The following RNF216 variants were observed in gnomAD, a reference collection of about 807,000 sequenced individuals.
RNF216 encodes the protein E3 ubiquitin-protein ligase RNF216.
A neutral mutation model predicts 110.8 loss-of-function variants in RNF216; 72 were observed. The ratio of observed to expected loss-of-function variants is 0.65; its 90% CI spans 0.54 to 0.79. The LOEUF is 0.79. Among genes scored for constraint, RNF216 ranks in the 30% least tolerant of loss-of-function variants. RNF216 has a pLI of 0.00. For missense variants in RNF216, 1,342 were observed against 1,141.2 expected (o/e 1.18, Z -2.54); for synonymous variants, 495 against 407.5 (o/e 1.21, Z -2.59).
chr7:5,733,225 G>C (rs1794192783), intron 5 of RNF216: 1 of 152,210 alleles, frequency 6.6e-6, no homozygotes, highest in East Asian at 1.9e-4. Flanking sequence ...GGCTTGAAAA[G>C]ATGCAATACA....
Position 5,623,123 on chromosome 7 carries a change from T to G in RNF216, c.2509A>C (p.Arg837=). 2 of 1,599,228 alleles carry G rather than the reference T, an allele frequency of 1.3e-6. No homozygotes were observed. The highest frequency in any genetic ancestry group is 1.7e-6 in the Non-Finnish European group (2 of 1,168,804). ...ACGGGCCTCGGGAGGGCCTCCACCCTCTGCACCTTCTCCACAGGCTTCTCC... is the reference window on the plus strand; with the variant it reads ...ACGGGCCTCGGGAGGGCCTCCACCCGCTGCACCTTCTCCACAGGCTTCTCC... ...PLEKPVEKVQ[R]VEALPRPVPQ... The change falls in exon 17 of 17, where the codon AGG becomes CGG. Residue 837 remains arginine (R), a synonymous_variant. Transcript: ENST00000389902.
At position 5,738,526 on chromosome 7, in the gene RNF216, G is replaced by A. The variant is rs907467124; in HGVS notation, c.1121+750C>T. On this transcript the variant is annotated intron_variant, in intron 5 of 16. Coordinates refer to ENST00000389902, the MANE Select transcript of RNF216 (RefSeq NM_207111.4). The stretch of plus-strand genomic sequence containing the variant: ...GATCGAGACCATCCTGGCTAACATG[G>A]TGAAACCCCATCTCTACTAAAAATA... 2.0e-5 allele frequency among the ~76,000 whole-genome samples: 3 copies of A among 152,100 alleles called. No homozygotes were observed. The East Asian group carries it at 5.8e-4, about 29-fold the overall frequency.
Position 5,759,915 on chromosome 7 carries a change from G to C in RNF216, c.67+1088C>G, listed in dbSNP as rs143659486. Among the ~76,000 whole-genome samples the C allele has an allele frequency of 3.1e-3, 472 of 152,104 alleles. 1 individual carries two copies. The highest frequency in any genetic ancestry group is 0.011 in the African/African-American group (455 of 41,506). On this transcript the variant is annotated intron_variant, in intron 2 of 16. Transcript: ENST00000389902. ...CAAAGTGCTGGGATTACAGGAGTGA[G>C]CCACCACGCCTGGCCTGGGGGAGTC...
chr7:5,633,967 G>A (rs1233332183), intron 15 of RNF216, among the ~76,000 whole-genome samples: 2 of 152,186 alleles, frequency 1.3e-5, no homozygotes, highest in Non-Finnish European at 1.5e-5. Flanking sequence ...AGGAGAAAAC[G>A]AAGAAAGAGA....
chr7:5,641,351 T>C lies in RNF216; in HGVS notation c.2185A>G (p.Ile729Val), dbSNP rs1217887791. 4.3e-6 allele frequency: 7 copies of C among 1,614,164 alleles called. No individual in the cohort carries two copies. In the Admixed American group the frequency reaches 5.0e-5, roughly 12 times the overall value. ...SIEEKMTAAR[I>V]RKCHKCGTGL... ...GTCCCACACTTGTGGCATTTTCTAA[T>C]GCGGGCAGCAGTCATTTTTTCTTCA... The change falls in exon 15 of 17, where the codon ATT (isoleucine) becomes GTT (valine). Residue 729 changes from isoleucine (I) to valine (V), a missense_variant. By Grantham distance (29) the Ile-to-Val change is conservative. Transcript: ENST00000389902.
chr7:5,725,639 CAGG>C, intron 7 of RNF216, among the ~76,000 whole-genome samples: 1 of 152,224 alleles, frequency 6.6e-6, no homozygotes, highest in South Asian at 2.1e-4. Context: ...CCCTTGAGGT[CAGG>C]AGTTCGACAC....
intron 13 of RNF216, among the ~76,000 whole-genome samples, chr7:5,682,752 T>A (rs1458641797): frequency 6.6e-6 from 1 of 152,174 alleles, no homozygotes; most frequent in East Asian, 1.9e-4. Context: ...GTTAGAATAA[T>A]CATGTGCAAC....
rs1417528269 is a variant in RNF216 at position 5,721,143 on chromosome 7, A to C, written c.1534T>G (p.Phe512Val). ...CAATGTCGTCGCTTATTTTCAAGAA[A>C]GAACATCCTCTTTTCTATTTTTATG... ...GDIKIEKRMFFLENKRRHCRS... is the reference protein window; with the variant it reads ...GDIKIEKRMFVLENKRRHCRS... Residue 512 changes from phenylalanine to valine, a missense_variant, in exon 9 of 17, where the codon TTT becomes GTT. Physicochemically the swap from Phe to Val is conservative, Grantham distance 50. Transcript: ENST00000389902. The C allele has an allele frequency of 6.2e-7, 1 of 1,614,090 alleles. No individual in the cohort carries two copies. Among genetic ancestry groups the C allele is most frequent in the Non-Finnish European group, 8.5e-7 (1 of 1,179,944 alleles).
chr7:5,765,836 A>C, intron 1 of RNF216, among the ~76,000 whole-genome samples: 1 of 150,972 alleles, frequency 6.6e-6, no homozygotes, highest in Non-Finnish European at 1.5e-5. Flanking sequence ...TGTGCCTGTA[A>C]TCCCAGCTAC....
chr7:5,726,122 C>T (rs1426608975), intron 7 of RNF216, among the ~76,000 whole-genome samples: 1 of 151,866 alleles, frequency 6.6e-6, no homozygotes, highest in Non-Finnish European at 1.5e-5. Flanking sequence ...ACTAAAAATA[C>T]AAAAAAATAG....
intron 15 of RNF216, among the ~76,000 whole-genome samples, chr7:5,632,935 CAG>C (rs1227966800): frequency 1.3e-5 from 2 of 152,148 alleles, no homozygotes; most frequent in Admixed American, 6.5e-5. Flanking sequence ...AGGGTCAAAG[CAG>C]AGAGTGAAAC....
intron 15 of RNF216, among the ~76,000 whole-genome samples, chr7:5,633,294 G>C (rs921461792): frequency 1.3e-5 from 2 of 151,802 alleles, no homozygotes; most frequent in Non-Finnish European, 2.9e-5. Flanking sequence ...CTGGAAGTAA[G>C]GCCGGGTGCG....
intron 13 of RNF216, among the ~76,000 whole-genome samples, chr7:5,653,935 C>T (rs376529733): frequency 9.8e-5 from 15 of 152,296 alleles, no homozygotes; most frequent in Admixed American, 3.3e-4. Flanking sequence ...GAGGCCTGCA[C>T]GCACCAGACC....
At chr7:5,648,945 T>C (rs1788216478) in intron 14 of RNF216, among the ~76,000 whole-genome samples, 1 of 152,098 alleles carries the variant, frequency 6.6e-6, no homozygotes, top group Non-Finnish European at 1.5e-5. Context: ...GTATGAGATA[T>C]CAAAGACTTA....
At chr7:5,670,765 G>C (rs1789853559) in intron 13 of RNF216, among the ~76,000 whole-genome samples, 1 of 152,170 alleles carries the variant, frequency 6.6e-6, no homozygotes, top group Non-Finnish European at 1.5e-5. Context: ...GTTGAGTTGT[G>C]TTTTCAGCCT....
At chr7:5,750,718 A>T (rs1480206301) in intron 3 of RNF216, among the ~76,000 whole-genome samples, 1 of 152,200 alleles carries the variant, frequency 6.6e-6, no homozygotes, top group Non-Finnish European at 1.5e-5. Flanking sequence ...ACATTGGAGC[A>T]AGACTCCCCC....
At chr7:5,770,052 A>AAAG (rs1796413418) in intron 1 of RNF216, among the ~76,000 whole-genome samples, 1 of 149,136 alleles carries the variant, frequency 6.7e-6, no homozygotes, top group Non-Finnish European at 1.5e-5. Flanking sequence ...AAAAAAAAAA[A>AAAG]AGACTGAAAA....
At position 5,693,242 on chromosome 7, in the gene RNF216, A is replaced by G. The variant is rs57308117; in HGVS notation, c.2061+18519T>C. Among the ~76,000 whole-genome samples the G allele has an allele frequency of 5.7e-3, 863 of 152,334 alleles. 9 individuals are homozygous for G. Among genetic ancestry groups the G allele is most frequent in the African/African-American group, 0.02 (817 of 41,584 alleles). The stretch of plus-strand genomic sequence containing the variant: ...TGTCTGTGGTTACTTTCACGCTATA[A>G]AGGCAGAGTTAGGTAGCTGGGATAG... On this transcript the variant is annotated intron_variant, in intron 13 of 16. Transcript: ENST00000389902.
intron 13 of RNF216, among the ~76,000 whole-genome samples, chr7:5,671,040 G>C (rs937204693): frequency 6.6e-6 from 1 of 152,206 alleles, no homozygotes; most frequent in Admixed American, 6.5e-5. Flanking sequence ...ATTTGTTATA[G>C]CAACAAACGA....
Sources: gnomAD v4.1 joint callset for allele counts (sites outside exome capture counted in the v4.1 genomes callset) on GRCh38, gnomAD v4.1.1 for gene constraint, MANE v1.5 for transcripts, NCBI Gene and HGNC (gene_info 2026-07-23, HGNC 2026-07-21) for gene names.